WWC1: variants seen among roughly 807,000 people sequenced by gnomAD.
WWC1 encodes protein KIBRA.
WWC1 carries 55 observed loss-of-function variants against 138.4 expected under a neutral mutation model. That is an observed-to-expected ratio of 0.40 (90% CI 0.32 to 0.50). The LOEUF (loss-of-function observed/expected upper bound fraction) is 0.50, where lower values mean the gene tolerates loss of function less well. WWC1 is among the 20% of genes least tolerant of loss of function. The probability of loss-of-function intolerance (pLI) is 0.72; values close to 1 mark genes in which losing one functional copy is unlikely to be tolerated. For synonymous variants in WWC1, 524 were observed against 564.9 expected (o/e 0.93, Z 1.03); for missense variants, 1,226 against 1,420.4 (o/e 0.86, Z 2.20).
chr5:168,433,997 C>A (rs925791559), intron 15 of WWC1, among the ~76,000 whole-genome samples: 1 of 152,254 alleles, frequency 6.6e-6, no homozygotes, highest in Non-Finnish European at 1.5e-5. Flanking sequence ...AGTCCACACA[C>A]GTCAGCGCCT....
intron 11 of WWC1, among the ~76,000 whole-genome samples, chr5:168,426,964 G>C (rs1394113070): frequency 6.6e-6 from 1 of 152,230 alleles, no homozygotes; most frequent in Non-Finnish European, 1.5e-5. Flanking sequence ...GGCAAGGAAG[G>C]AATGTGCAGC....
rs968327828 is a variant in WWC1, at chr5:168,470,862, G to A, written c.*1845G>A. The stretch of plus-strand genomic sequence containing the variant: ...AATAAAAATAAAATGCAGACTGTCA[G>A]GTCCTCTCTAGACCCACTGAACTAT... On this transcript the variant is annotated 3_prime_UTR_variant, in exon 23 of 23. Coordinates refer to ENST00000265293, the MANE Select transcript of WWC1 (RefSeq NM_015238.3). The A allele has an allele frequency of 6.6e-6, 1 of 152,124 alleles. No individual in the cohort carries two copies. 9.4% of individuals were successfully genotyped at this position (152,124 alleles called of 1,614,324 possible).
At chr5:168,397,913 T>C (rs1266154920) in intron 4 of WWC1, 113 bp downstream of exon 4, 18 of 1,125,262 alleles carry the variant, frequency 1.6e-5, no homozygotes, top group African/African-American at 3.1e-5. Flanking sequence ...TGACAGCCAG[T>C]GCTAGCAAGG....
intron 15 of WWC1, 42 bp downstream of exon 15, chr5:168,431,486 CT>C: frequency 1.3e-6 from 2 of 1,551,388 alleles, no homozygotes; most frequent in Non-Finnish European, 1.7e-6. Context: ...GGCTGGCTGG[CT>C]GGCTGGCTGG....
intron 1 of WWC1, among the ~76,000 whole-genome samples, chr5:168,329,410 C>A (rs1772843560): frequency 6.6e-6 from 1 of 152,178 alleles, no homozygotes; most frequent in African/African-American, 2.4e-5. Context: ...TGAGGCAGAA[C>A]TTCAAAGGAA....
At chr5:168,336,571 C>CAAAAAAAAAAAAAAAAAAAAAAAAAAA (rs57339649) in intron 1 of WWC1, among the ~76,000 whole-genome samples, 1 of 58,020 alleles carries the variant, frequency 1.7e-5, no homozygotes. Context: ...GACTCTGTCT[C>CAAAAAAAAAAAAAAAAAAAAAAAAAAA]AAAAAAAAAA....
chr5:168,452,923 A>G (rs1446561895), intron 17 of WWC1, among the ~76,000 whole-genome samples: 1 of 152,174 alleles, frequency 6.6e-6, no homozygotes, highest in Non-Finnish European at 1.5e-5. Flanking sequence ...TGGAATATTA[A>G]TGATAAAAAG....
chr5:168,324,533 CTA>C (rs1270145691), intron 1 of WWC1, among the ~76,000 whole-genome samples: 3 of 152,008 alleles, frequency 2.0e-5, no homozygotes, highest in Non-Finnish European at 4.4e-5. Context: ...ATAGAAAAAA[CTA>C]AAAATTTCTT....
chr5:168,408,376 C>G (rs753377056), intron 6 of WWC1, 131 bp from the exon 7 acceptor site: 80 of 1,045,754 alleles, frequency 7.6e-5, no homozygotes, highest in Non-Finnish European at 1.1e-4. Context: ...ATCACAGGAT[C>G]AGTAGGATAT....
At chr5:168,354,947 C>T (rs1194343921) in intron 1 of WWC1, among the ~76,000 whole-genome samples, 1 of 152,112 alleles carries the variant, frequency 6.6e-6, no homozygotes, top group Non-Finnish European at 1.5e-5. Flanking sequence ...CCAAAAACGC[C>T]CCCAAAGTTT....
chr5:168,300,164 G>T (rs1373938244), intron 1 of WWC1, among the ~76,000 whole-genome samples: 1 of 152,156 alleles, frequency 6.6e-6, no homozygotes, highest in Admixed American at 6.5e-5. Context: ...AGTTGCTGCT[G>T]CCTCGAATCC....
At chr5:168,433,938 T>C (rs1782138426) in intron 15 of WWC1, among the ~76,000 whole-genome samples, 1 of 152,150 alleles carries the variant, frequency 6.6e-6, no homozygotes, top group African/African-American at 2.4e-5. Context: ...CTGTCACAGT[T>C]AGGAAAGTGG....
chr5:168,450,162 C>T (rs1755670632), intron 17 of WWC1, among the ~76,000 whole-genome samples: 1 of 152,162 alleles, frequency 6.6e-6, no homozygotes, highest in African/African-American at 2.4e-5. Flanking sequence ...CCGGGCAGTT[C>T]TGTATGTCTT....
intron 9 of WWC1, among the ~76,000 whole-genome samples, chr5:168,418,721 C>T (rs1270131252): frequency 6.6e-6 from 1 of 152,122 alleles, no homozygotes; most frequent in African/African-American, 2.4e-5. Context: ...TGGCTTTTCT[C>T]CCACAGAGAA....
chr5:168,411,713 C>G (rs150698254), intron 8 of WWC1: 2 of 152,560 alleles, frequency 1.3e-5, no homozygotes, highest in African/African-American at 4.8e-5. Flanking sequence ...GAAAGGGGGC[C>G]TACCTTTCCC....
At chr5:168,306,550 A>G (rs1770582049) in intron 1 of WWC1, among the ~76,000 whole-genome samples, 1 of 152,182 alleles carries the variant, frequency 6.6e-6, no homozygotes, top group Admixed American at 6.5e-5. Flanking sequence ...TTCAACTCCC[A>G]CTGCAGCAGT....
At chr5:168,371,630 C>A in intron 2 of WWC1, 97 bp downstream of exon 2, 1 of 762,028 alleles carries the variant, frequency 1.3e-6, no homozygotes. Flanking sequence ...CTTGCAGACT[C>A]TTGGAGCCAG....
At chr5:168,403,925 A>T (rs1429327468) in intron 5 of WWC1, among the ~76,000 whole-genome samples, 2 of 138,578 alleles carry the variant, frequency 1.4e-5, no homozygotes, top group Non-Finnish European at 3.1e-5. Context: ...TCTTTCCCTT[A>T]AAAAAAAAAA....
At chr5:168,385,158 G>A in intron 2 of WWC1, 53 bp from the exon 3 acceptor site, 5 of 1,599,228 alleles carry the variant, frequency 3.1e-6, no homozygotes, top group Non-Finnish European at 4.3e-6. Context: ...CAGGCCACCA[G>A]CCCAACAGAT....
Sources: gnomAD v4.1 joint callset for allele counts (sites outside exome capture counted in the v4.1 genomes callset) on GRCh38, gnomAD v4.1.1 for gene constraint, MANE v1.5 for transcripts, NCBI Gene and HGNC (gene_info 2026-07-23, HGNC 2026-07-21) for gene names.